SASH1: variants seen among roughly 807,000 people sequenced by gnomAD.
SASH1 encodes the protein SAM and SH3 domain containing 1.
SASH1 carries 44 observed loss-of-function variants against 125.2 expected under a neutral mutation model. That is an observed-to-expected ratio of 0.35 (90% CI 0.28 to 0.45). SASH1 has a LOEUF of 0.45. SASH1 is among the 20% of genes least tolerant of loss of function. The pLI is 1.00. For missense variants in SASH1, 1,426 were observed against 1,614.5 expected, an observed-to-expected ratio of 0.88 and a Z score of 2.00; for synonymous variants, 639 against 649.1, an observed-to-expected ratio of 0.98 and a Z score of 0.24.
chr6:148,362,350 G>A (rs1782268021), intron 1 of SASH1, among the ~76,000 whole-genome samples: 1 of 151,638 alleles, frequency 6.6e-6, no homozygotes, highest in African/African-American at 2.4e-5. Context: ...AGCCTCCCGA[G>A]TAGCTGGGAT....
chr6:148,512,438 T>C (rs1780203143), intron 8 of SASH1: 2 of 983,194 alleles, frequency 2.0e-6, no homozygotes, highest in Admixed American at 1.2e-4. Flanking sequence ...TGTTTTTAAA[T>C]GTTTATATGT....
At chr6:148,370,724 G>A (rs1047093239) in intron 1 of SASH1, among the ~76,000 whole-genome samples, 13 of 152,026 alleles carry the variant, frequency 8.6e-5, no homozygotes, top group Non-Finnish European at 1.9e-4. Flanking sequence ...TCGGGAGGCT[G>A]AGGCAGGAGA....
chr6:148,302,595 TACACAC>T (rs66830113), intron 1 of SASH1, among the ~76,000 whole-genome samples: 34 of 147,740 alleles, frequency 2.3e-4, no homozygotes, highest in African/African-American at 6.2e-4. Context: ...TATGCACACA[TACACAC>T]ACACACACAC....
At chr6:148,254,438 C>T in the SASH1 span, among the ~76,000 whole-genome samples, 2 of 152,272 alleles carry the variant, frequency 1.3e-5, no homozygotes, top group Admixed American at 1.3e-4. Context: ...ATTATGGTCA[C>T]ACCTGTGAAT....
chr6:148,381,589 C>T (rs890455941), intron 1 of SASH1, among the ~76,000 whole-genome samples: 2 of 145,810 alleles, frequency 1.4e-5, no homozygotes, highest in Admixed American at 6.9e-5. Context: ...GCCTAGGAAG[C>T]GAACTCCATC....
chr6:148,258,653 C>A, the SASH1 span, among the ~76,000 whole-genome samples: 1 of 152,150 alleles, frequency 6.6e-6, no homozygotes, highest in Non-Finnish European at 1.5e-5. Context: ...GGCACACGTA[C>A]AAAGAATGGG....
the SASH1 span, among the ~76,000 whole-genome samples, chr6:148,255,010 A>G: frequency 6.6e-6 from 1 of 152,206 alleles, no homozygotes; most frequent in Non-Finnish European, 1.5e-5. Flanking sequence ...TATACAATGG[A>G]ATATTATTTA....
rs35078400 is a variant in SASH1 at position 148,519,577 on chromosome 6, C to G, written c.893C>G (p.Pro298Arg). ...GAGGAGCACGTGTTTGAGAATTCGC[C>G]GGTCCTGGATGAACGGTCCGCCCTC... is the stretch of plus-strand genomic sequence containing the variant. ...GGEEHVFENS[P>R]VLDERSALYS... Residue 298 changes from proline to arginine, a missense_variant, in exon 10 of 20, where the codon CCG becomes CGG. Coordinates refer to ENST00000367467, the MANE Select transcript of SASH1 (RefSeq NM_015278.5). The surrounding 1 kb of genome is among the most constrained non-coding windows in gnomAD (Gnocchi z 4.8). 3.5e-5 allele frequency: 57 copies of G among 1,613,844 alleles called. No homozygotes were observed. Among genetic ancestry groups the G allele is most frequent in the East Asian group, 1.1e-4 (5 of 44,874 alleles).
At chr6:148,415,156 T>G (rs1214506006) in intron 2 of SASH1, among the ~76,000 whole-genome samples, 3 of 152,212 alleles carry the variant, frequency 2.0e-5, no homozygotes, top group East Asian at 1.9e-4. Flanking sequence ...TTGTATTGAG[T>G]ATTTTTAATT....
At chr6:148,366,386 A>G in intron 1 of SASH1, among the ~76,000 whole-genome samples, 1 of 152,230 alleles carries the variant, frequency 6.6e-6, no homozygotes, top group East Asian at 1.9e-4. Context: ...TATAGACACA[A>G]GAAAATATTG....
At chr6:148,479,954 TA>T in intron 7 of SASH1, 1 of 155,380 alleles carries the variant, frequency 6.4e-6, no homozygotes. Context: ...TACTGGTGCC[TA>T]AATGAGCTGC....
At position 148,543,365 on chromosome 6, in the gene SASH1, C is replaced by T. The variant is rs912767020; in HGVS notation, c.2210-315C>T. On this transcript the variant is annotated intron_variant, in intron 17 of 19. Coordinates refer to ENST00000367467, the MANE Select transcript of SASH1 (RefSeq NM_015278.5). ...TATGATGATCAGCCTCTTTCCACGT[C>T]GATTGCAGTGGGGCACAGACTTAAG... Among the ~76,000 whole-genome samples, 6 of 152,274 alleles carry T rather than the reference C, an allele frequency of 3.9e-5. 1 individual carries two copies. Among genetic ancestry groups the T allele is most frequent in the African/African-American group, 7.2e-5 (3 of 41,552 alleles).
intron 1 of SASH1, among the ~76,000 whole-genome samples, chr6:148,381,617 C>CTTTTTTTTTTTTTTTTTTTTTT (rs201145545): frequency 3.9e-5 from 3 of 77,894 alleles, no homozygotes; most frequent in African/African-American, 5.2e-5. Context: ...TTCTTGCTTT[C>CTTTTTTTTTTTTTTTTTTTTTT]TTTTTTTTTT....
At chr6:148,476,496 A>G (rs1242104155) in intron 7 of SASH1, among the ~76,000 whole-genome samples, 1 of 152,166 alleles carries the variant, frequency 6.6e-6, no homozygotes, top group Non-Finnish European at 1.5e-5. Flanking sequence ...AACCTGGCCA[A>G]CATGGTGAAA....
At chr6:148,494,197 A>G (rs1287066357) in intron 8 of SASH1, among the ~76,000 whole-genome samples, 1 of 152,196 alleles carries the variant, frequency 6.6e-6, no homozygotes, top group East Asian at 1.9e-4. Context: ...TCCAAATGAA[A>G]GGTCATTTGA....
Position 148,319,000 on chromosome 6 carries a change from T to A in SASH1, n.74+46623T>A, listed in dbSNP as rs1009122201. Among the ~76,000 whole-genome samples the A allele has an allele frequency of 5.4e-5, 8 of 149,500 alleles. No individual in the cohort carries two copies. In the Admixed American group the frequency reaches 5.4e-4, roughly 10 times the overall value. On this transcript the variant is annotated intron_variant and non_coding_transcript_variant, in intron 1 of 3. Transcript: ENST00000367469. ...TTGACCATTCTCCTGTTATGGAATATGGAAGAAGCCGCATTTATCTTCTTT... is the reference window on the plus strand; with the variant it reads ...TTGACCATTCTCCTGTTATGGAATAAGGAAGAAGCCGCATTTATCTTCTTT...
the SASH1 span, among the ~76,000 whole-genome samples, chr6:148,263,184 C>T: frequency 3.6e-5 from 5 of 140,386 alleles, no homozygotes; most frequent in African/African-American, 1.2e-4. Context: ...CCTGATGAGT[C>T]AGTGAATGAA....
chr6:148,404,468 A>G (rs1435394035), intron 2 of SASH1, among the ~76,000 whole-genome samples: 1 of 152,170 alleles, frequency 6.6e-6, no homozygotes, highest in Non-Finnish European at 1.5e-5. Flanking sequence ...CACTGAGGAT[A>G]AACTACATAA....
rs1781591146 is a variant in SASH1 at position 148,532,669 on chromosome 6, A to C, written c.1565-128A>C. On this transcript the variant is annotated intron_variant, in intron 13 of 19. Coordinates refer to ENST00000367467, the MANE Select transcript of SASH1 (RefSeq NM_015278.5). The surrounding 1 kb of genome is among the most constrained non-coding windows in gnomAD (Gnocchi z 4.7). ...CTGGGCCCTGCCCTGGTCCTGACAGAGGGTTGTGGCTCAAGGCTTCCTTTC... is the reference window on the plus strand; with the variant it reads ...CTGGGCCCTGCCCTGGTCCTGACAGCGGGTTGTGGCTCAAGGCTTCCTTTC... 2.8e-6 allele frequency: 3 copies of C among 1,074,700 alleles called. No individual in the cohort carries two copies. Among genetic ancestry groups the C allele is most frequent in the African/African-American group, 1.6e-5 (1 of 64,158 alleles). 66.6% of individuals were successfully genotyped at this position (1,074,700 alleles called of 1,614,324 possible). A position where few individuals can be genotyped will look rare whatever the true frequency, so the allele number is the denominator to read the frequency against.
Sources: gnomAD v4.1 joint callset for allele counts (sites outside exome capture counted in the v4.1 genomes callset) on GRCh38, gnomAD v4.1.1 for gene constraint, Gnocchi (gnomAD v3.1) non-coding constraint, MANE v1.5 for transcripts, NCBI Gene and HGNC (gene_info 2026-07-23, HGNC 2026-07-21) for gene names.